The following PSMD8 variants were observed in gnomAD, a reference collection of about 807,000 sequenced individuals.
PSMD8 encodes the protein 26S proteasome non-ATPase regulatory subunit 8.
PSMD8 carries 30 observed loss-of-function variants against 40.0 expected under a neutral mutation model. That is an observed-to-expected ratio of 0.75 (90% CI 0.56 to 1.02). The LOEUF (loss-of-function observed/expected upper bound fraction) is 1.02, where lower values mean the gene tolerates loss of function less well. PSMD8 is among the 50% of genes least tolerant of loss of function. The pLI, the probability that PSMD8 is intolerant of heterozygous loss-of-function variation, is 0.00. For missense variants in PSMD8, 461 were observed against 463.9 expected, an observed-to-expected ratio of 0.99 and a Z score of 0.06; for synonymous variants, 208 against 192.5, an observed-to-expected ratio of 1.08 and a Z score of -0.67.
In PSMD8 at chr19:38,374,840, C is replaced by T. The variant is rs377507303; in HGVS notation, c.239C>T (p.Pro80Leu). ...NGAAGFSSSG[P>L]AATSGAVLQA... Reference sequence around the variant, plus strand: ...GCGGCAGGCTTCTCGAGCTCCGGGCCCGCGGCAACCTCGGGCGCTGTTCTG... The same window carrying T: ...GCGGCAGGCTTCTCGAGCTCCGGGCTCGCGGCAACCTCGGGCGCTGTTCTG... Residue 80 changes from proline (P) to leucine (L), a missense_variant, in exon 1 of 7, where the codon CCC (proline) becomes CTC (leucine). Pro to Leu is a moderately conservative substitution (Grantham distance 98). This residue lies in a region of PSMD8 where 225 missense variants were observed against 142.7 expected (regional missense o/e 1.58). Coordinates refer to ENST00000215071, the MANE Select transcript of PSMD8 (RefSeq NM_002812.5). The T allele has an allele frequency of 3.9e-4, 617 of 1,578,216 alleles. No individual in the cohort carries two copies. Among genetic ancestry groups the T allele is most frequent in the Middle Eastern group, 2.5e-3 (15 of 5,956 alleles).
intron 1 of PSMD8, among the ~76,000 whole-genome samples, chr19:38,375,863 C>G (rs1277494228): frequency 6.6e-6 from 1 of 152,110 alleles, no homozygotes; most frequent in Non-Finnish European, 1.5e-5. Context: ...GAAGATGGGC[C>G]AAGAATGGAA....
At position 38,383,482 on chromosome 19, in the gene PSMD8, C is replaced by T. The variant is rs1970661473; in HGVS notation, c.*92C>T. The T allele has an allele frequency of 6.6e-7, 1 of 1,511,666 alleles. No homozygotes were observed. Among genetic ancestry groups the T allele is most frequent in the Admixed American group, 1.8e-5 (1 of 54,342 alleles). 93.6% of individuals were successfully genotyped at this position (1,511,666 alleles called of 1,614,324 possible). A position where few individuals can be genotyped will look rare whatever the true frequency, so the allele number is the denominator to read the frequency against. On this transcript the variant is annotated 3_prime_UTR_variant, in exon 7 of 7. Transcript: ENST00000215071. ...CAATAAAGGTGGACTGACATTCCCT[C>T]TTCCAGGCCCTTGTCTCCCCAGTTG...
At position 38,383,394 on chromosome 19, in the gene PSMD8, C is replaced by T; in HGVS notation, c.*4C>T. 1 of 1,613,968 alleles carries T rather than the reference C, an allele frequency of 6.2e-7. No homozygotes were observed. On this transcript the variant is annotated 3_prime_UTR_variant, in exon 7 of 7. Transcript: ENST00000215071. ...GCAGCTGGAGATGATCGTCTGAGCC[C>T]CCCGGGCACTGGGTGGGGCAGGGCA...
chr19:38,378,592 C>A (rs1568387828), intron 3 of PSMD8, among the ~76,000 whole-genome samples: 1 of 148,502 alleles, frequency 6.7e-6, no homozygotes, highest in African/African-American at 2.5e-5. Flanking sequence ...GGGAGGATGG[C>A]TTGAGCGTGG....
At chr19:38,382,346 G>T in intron 6 of PSMD8, 118 bp downstream of exon 6, 1 of 800,448 alleles carries the variant, frequency 1.2e-6, no homozygotes, top group Non-Finnish European at 2.1e-6. Flanking sequence ...TCAACTGTGT[G>T]ACTCTAGGCA....
chr19:38,379,425 G>T lies in PSMD8; in HGVS notation c.702+20G>T. ...GAGCAAGTGAGATGGCAAGGGGCAG[G>T]GGAGGACCTGGCCAAAGTGGGTGGT... is the stretch of plus-strand genomic sequence containing the variant. On this transcript the variant is annotated intron_variant, in intron 4 of 6. Transcript: ENST00000215071. 1 of 1,612,724 alleles carries T rather than the reference G, an allele frequency of 6.2e-7. No individual in the cohort carries two copies. The highest frequency in any genetic ancestry group is 8.5e-7 in the Non-Finnish European group (1 of 1,179,128).
At position 38,376,441 on chromosome 19, in the gene PSMD8, TA is replaced by T; in HGVS notation, c.524del (p.Tyr175SerfsTer62). On this transcript the variant is annotated frameshift_variant, in exon 3 of 7. Transcript: ENST00000215071. LOFTEE classifies it high-confidence loss of function. ...ERYMAQLKCYYFDYKEQLPES... is the reference protein window; with the variant it reads ...ERYMAQLKCYXFDYKEQLPES... ...CTACATGGCCCAGCTCAAATGCTAC[TA>T]CTTTGATTACAAGTGAGAATGGGCC... 6.4e-7 allele frequency: 1 copy of T among 1,550,818 alleles called. No individual in the cohort carries two copies. Among genetic ancestry groups the T allele is most frequent in the Non-Finnish European group, 8.7e-7 (1 of 1,146,036 alleles).
Position 38,374,812 on chromosome 19 carries a change from G to T in PSMD8, c.211G>T (p.Gly71Trp), listed in dbSNP as rs761814714. ...SRKMAAAAVN[G>W]AAGFSSSGPA... ...CAAGATGGCGGCCGCGGCGGTGAACGGGGCGGCAGGCTTCTCGAGCTCCGG... is the reference window on the plus strand; with the variant it reads ...CAAGATGGCGGCCGCGGCGGTGAACTGGGCGGCAGGCTTCTCGAGCTCCGG... Residue 71 changes from glycine to tryptophan, a missense_variant, in exon 1 of 7, where the codon GGG (glycine) becomes TGG (tryptophan). Coordinates refer to ENST00000215071, the MANE Select transcript of PSMD8 (RefSeq NM_002812.5). 9 of 1,572,982 alleles carry T rather than the reference G, an allele frequency of 5.7e-6. No individual in the cohort carries two copies. The highest frequency in any genetic ancestry group is 2.3e-5 in the East Asian group (1 of 43,288).
chr19:38,383,495 G>A lies in PSMD8; in HGVS notation c.*105G>A. Reference sequence around the variant, plus strand: ...CTGACATTCCCTCTTCCAGGCCCTTGTCTCCCCAGTTGGGACGGCAGAGAG... The same window carrying A: ...CTGACATTCCCTCTTCCAGGCCCTTATCTCCCCAGTTGGGACGGCAGAGAG... On this transcript the variant is annotated 3_prime_UTR_variant, in exon 7 of 7. Transcript: ENST00000215071. The A allele has an allele frequency of 6.8e-7, 1 of 1,465,626 alleles. No homozygotes were observed. The highest frequency in any genetic ancestry group is 1.4e-5 in the African/African-American group (1 of 71,682). 90.8% of individuals were successfully genotyped at this position (1,465,626 alleles called of 1,614,324 possible).
Position 38,383,559 on chromosome 19 carries a change from CAT to C in PSMD8, c.*170_*171del. The C allele has an allele frequency of 1.1e-6, 1 of 928,146 alleles. No individual in the cohort carries two copies. Among genetic ancestry groups the C allele is most frequent in the Non-Finnish European group, 1.6e-6 (1 of 627,012 alleles). 57.5% of individuals were successfully genotyped at this position (928,146 alleles called of 1,614,324 possible). A position where few individuals can be genotyped will look rare whatever the true frequency, so the allele number is the denominator to read the frequency against. ...TCTGAAGAACTTGGAGGTTTTGGGGCATTCAGGAGTTGGAGATAGCCTCCAAC... is the reference window on the plus strand; with the variant it reads ...TCTGAAGAACTTGGAGGTTTTGGGGCTCAGGAGTTGGAGATAGCCTCCAAC... On this transcript the variant is annotated 3_prime_UTR_variant, in exon 7 of 7. Transcript: ENST00000215071.
intron 6 of PSMD8, 129 bp downstream of exon 6, chr19:38,382,357 A>G (rs1365124604): frequency 6.9e-6 from 5 of 726,772 alleles, no homozygotes; most frequent in Middle Eastern, 2.3e-4. Flanking sequence ...ACTCTAGGCA[A>G]GCTGCCAAAG....
intron 1 of PSMD8, 26 bp from the exon 2 acceptor site, chr19:38,376,134 T>C (rs1970595467): frequency 6.4e-7 from 1 of 1,563,380 alleles, no homozygotes; most frequent in South Asian, 1.2e-5. Context: ...TTCTTTTCTT[T>C]CTTCCCTCCC....
chr19:38,382,914 GAA>G (rs113895207), intron 6 of PSMD8: 1,530 of 181,374 alleles, frequency 8.4e-3, no homozygotes, highest in South Asian at 0.021. Context: ...TCTGTCTGGG[GAA>G]AAAAAAAAAA....
chr19:38,382,585 C>A, intron 6 of PSMD8: 1 of 497,158 alleles, frequency 2.0e-6, no homozygotes, highest in Non-Finnish European at 3.5e-6. Context: ...AGGGCTGGGA[C>A]CAGGCTATGG....
intron 4 of PSMD8, 59 bp from the exon 5 acceptor site, chr19:38,380,836 CAGGT>C (rs1970634512): frequency 7.7e-7 from 1 of 1,304,400 alleles, no homozygotes; most frequent in Non-Finnish European, 1.1e-6. Flanking sequence ...GAGGCCCACA[CAGGT>C]AGGCCCCTTT....
At chr19:38,375,413 A>C (rs1970590141) in intron 1 of PSMD8, 1 of 195,390 alleles carries the variant, frequency 5.1e-6, no homozygotes. Context: ...TCGGAGTGGC[A>C]GGATTGGGAT....
chr19:38,383,222 C>T (rs1165941941), intron 6 of PSMD8, 31 bp from the exon 7 acceptor site: 5 of 1,611,800 alleles, frequency 3.1e-6, no homozygotes, highest in Non-Finnish European at 3.4e-6. Context: ...TGTGATCACT[C>T]TACTCGTCTC....
At chr19:38,380,521 G>A (rs1040816780) in intron 4 of PSMD8, among the ~76,000 whole-genome samples, 6 of 152,126 alleles carry the variant, frequency 3.9e-5, no homozygotes, top group African/African-American at 1.4e-4. Context: ...AGAGAGGGCA[G>A]TTAGGGCGGG....
Position 38,382,135 on chromosome 19 carries a change from C to T in PSMD8, c.822C>T (p.Cys274=). Residue 274 remains cysteine (C), a synonymous_variant, in exon 6 of 7, where the codon TGC becomes TGT. Coordinates refer to ENST00000215071, the MANE Select transcript of PSMD8 (RefSeq NM_002812.5). ...CCCCCAGGGATGAGATCGCTGGGTG[C>T]ATCGAGAAGGCCTACGAGAAAATCC... The part of the protein sequence containing the change: ...LDTIRDEIAG[C]IEKAYEKILF... 6.3e-7 allele frequency: 1 copy of T among 1,575,486 alleles called. No homozygotes were observed. Among genetic ancestry groups the T allele is most frequent in the South Asian group, 1.2e-5 (1 of 85,376 alleles).
Sources: allele counts gnomAD v4.1 joint callset (sites outside exome capture counted in the v4.1 genomes callset), GRCh38; gene constraint gnomAD v4.1.1; regional missense constraint gnomAD v4.1.1; transcripts MANE v1.5; gene names NCBI Gene and HGNC (gene_info 2026-07-23, HGNC 2026-07-21).